PAPPA2: variants seen among roughly 807,000 people sequenced by gnomAD.
PAPPA2 encodes pappalysin 2.
In PAPPA2, 86 loss-of-function variants were observed where a neutral mutation model predicts 176.4. The observed-to-expected ratio is 0.49, with a 90% CI of 0.41 to 0.58. The LOEUF is 0.58. PAPPA2 is among the 20% of genes least tolerant of loss of function. The pLI, the probability that PAPPA2 is intolerant of heterozygous loss-of-function variation, is 0.00. For synonymous variants in PAPPA2, 809 were observed against 852.2 expected (o/e 0.95, Z 0.88); for missense variants, 2,073 against 2,256.9 (o/e 0.92, Z 1.65).
chr1:176,668,792 T>A (rs1157795623), intron 3 of PAPPA2, among the ~76,000 whole-genome samples: 1 of 152,202 alleles, frequency 6.6e-6, no homozygotes, highest in Non-Finnish European at 1.5e-5. Context: ...TCCCTTATAC[T>A]TGACGACATA....
At chr1:176,647,563 T>TTAATC (rs1657474389) in intron 3 of PAPPA2, among the ~76,000 whole-genome samples, 1 of 151,786 alleles carries the variant, frequency 6.6e-6, no homozygotes, top group African/African-American at 2.4e-5. Flanking sequence ...ATTTAAGTCT[T>TTAATC]TAATCCATTT....
chr1:176,831,625 A>C (rs1483565650), intron 21 of PAPPA2, among the ~76,000 whole-genome samples: 2 of 152,162 alleles, frequency 1.3e-5, no homozygotes, highest in East Asian at 3.9e-4. Context: ...ATGGGGAAGC[A>C]GGTCAGTGTG....
Position 176,709,535 on chromosome 1 carries a change from T to C in PAPPA2, c.3458-448T>C, listed in dbSNP as rs115493875. Among the ~76,000 whole-genome samples, 1,320 of 152,318 alleles carry C rather than the reference T, an allele frequency of 8.7e-3. 17 individuals are homozygous for C. The highest frequency in any genetic ancestry group is 0.028 in the African/African-American group (1,165 of 41,578). On this transcript the variant is annotated intron_variant, in intron 10 of 22. Coordinates refer to ENST00000367662, the MANE Select transcript of PAPPA2 (RefSeq NM_020318.3). Reference sequence around the variant, plus strand: ...GTGATTGAGAACAAACCCCCCGTGATACTTTAATATTTCAAAAACTATGAA... The same window carrying C: ...GTGATTGAGAACAAACCCCCCGTGACACTTTAATATTTCAAAAACTATGAA...
In PAPPA2 at chr1:176,590,254, T is replaced by C. The variant is rs144200068; in HGVS notation, c.920-4270T>C. ...TGCAATTGCTTTCCTTTTTAGTCTT[T>C]ACAGTAATGGAATCGACTCAAACTG... On this transcript the variant is annotated intron_variant, in intron 2 of 22. Transcript: ENST00000367662. Among the ~76,000 whole-genome samples, 20 of 152,344 alleles carry C rather than the reference T, an allele frequency of 1.3e-4. No homozygotes were observed. In the East Asian group the frequency reaches 3.3e-3, roughly 25 times the overall value.
chr1:176,711,136 G>A (rs1257299743), intron 11 of PAPPA2, among the ~76,000 whole-genome samples: 1 of 152,098 alleles, frequency 6.6e-6, no homozygotes, highest in Non-Finnish European at 1.5e-5. Context: ...GGACCCTAAG[G>A]AGATGAACAT....
chr1:176,560,581 G>A (rs2102597316), intron 2 of PAPPA2, among the ~76,000 whole-genome samples: 1 of 152,280 alleles, frequency 6.6e-6, no homozygotes, highest in South Asian at 2.1e-4. Context: ...GCAGCTCAGG[G>A]CCATGTGGCC....
intron 17 of PAPPA2, among the ~76,000 whole-genome samples, chr1:176,787,755 T>TG (rs58844541): frequency 0.41 from 62,811 of 151,952 alleles, 14,389 homozygotes; most frequent in African/African-American, 0.6. Context: ...TTCTGTGAGG[T>TG]GGGATTAAAG....
At chr1:176,840,004 G>A (rs1667424333) in intron 21 of PAPPA2, among the ~76,000 whole-genome samples, 169 bp from the exon 22 acceptor site, 1 of 152,140 alleles carries the variant, frequency 6.6e-6, no homozygotes, top group Non-Finnish European at 1.5e-5. Context: ...GTGGTCTTGA[G>A]ATTTTTTCAA....
At chr1:176,781,365 C>CATTTTT (rs1664709536) in intron 17 of PAPPA2, among the ~76,000 whole-genome samples, 1 of 46,228 alleles carries the variant, frequency 2.2e-5, no homozygotes, top group African/African-American at 8.4e-5. Context: ...TTGTAAGGGG[C>CATTTTT]TTTTTTTTTT....
rs747776328 is a variant in PAPPA2, at chr1:176,702,699, A to G, written c.3329A>G (p.His1110Arg). Reference protein sequence around the residue: ...GEASPPLNHIHGAPYCGDGKV... With the variant: ...GEASPPLNHIRGAPYCGDGKV... The stretch of plus-strand genomic sequence containing the variant: ...GCTTCGCCTCCTCTGAACCACATTC[A>G]TGGAGCTCCTTATTGTGGAGATGGG... The change falls in exon 9 of 23, where the codon CAT becomes CGT. Residue 1110 changes from histidine (H) to arginine (R), a missense_variant. This residue lies in a region of PAPPA2 where 846 missense variants were observed against 857.9 expected (regional missense o/e 0.99). Transcript: ENST00000367662. The G allele has an allele frequency of 3.1e-6, 5 of 1,594,476 alleles. No individual in the cohort carries two copies. The highest frequency in any genetic ancestry group is 4.3e-6 in the Non-Finnish European group (5 of 1,168,208).
At chr1:176,622,786 G>T (rs2102693867) in intron 3 of PAPPA2, among the ~76,000 whole-genome samples, 1 of 152,274 alleles carries the variant, frequency 6.6e-6, no homozygotes, top group Non-Finnish European at 1.5e-5. Context: ...GGATAAAATA[G>T]TGTCTTAGTC....
At chr1:176,486,464 T>C (rs1187659384) in intron 1 of PAPPA2, among the ~76,000 whole-genome samples, 3 of 152,122 alleles carry the variant, frequency 2.0e-5, no homozygotes, top group South Asian at 2.1e-4. Context: ...CAGTGCACTG[T>C]AGAATATGTA....
intron 3 of PAPPA2, among the ~76,000 whole-genome samples, chr1:176,659,924 A>G (rs183153343): frequency 9.2e-5 from 14 of 152,170 alleles, no homozygotes; most frequent in Admixed American, 8.5e-4. Flanking sequence ...CATTGGCCCC[A>G]ATTTTTTCCT....
At chr1:176,765,428 T>C (rs531467157) in intron 14 of PAPPA2, among the ~76,000 whole-genome samples, 2 of 152,334 alleles carry the variant, frequency 1.3e-5, no homozygotes, top group Admixed American at 1.3e-4. Context: ...CATTTGATCC[T>C]CCTGGAAGAA....
chr1:176,622,683 G>C (rs1030001413), intron 3 of PAPPA2, among the ~76,000 whole-genome samples: 1 of 152,168 alleles, frequency 6.6e-6, no homozygotes, highest in Non-Finnish European at 1.5e-5. Flanking sequence ...CTGATGTATA[G>C]AGAGTTGGTA....
chr1:176,698,740 A>G (rs1660498912), intron 7 of PAPPA2, among the ~76,000 whole-genome samples: 1 of 152,188 alleles, frequency 6.6e-6, no homozygotes, highest in East Asian at 1.9e-4. Flanking sequence ...TTAATTTATC[A>G]TAAGTTATGA....
chr1:176,739,692 C>T lies in PAPPA2; in HGVS notation c.3865C>T (p.Pro1289Ser). Residue 1289 changes from proline to serine, a missense_variant, in exon 13 of 23, where the codon CCC (proline) becomes TCC (serine). Physicochemically the swap from Pro to Ser is moderately conservative, Grantham distance 74 (BLOSUM62 -1). Coordinates refer to ENST00000367662, the MANE Select transcript of PAPPA2 (RefSeq NM_020318.3). ...TTTTTTGACAACTGATGGCCTAGTT[C>T]CCGGAGAGCATCAGCAGCCGACAGT... is the stretch of plus-strand genomic sequence containing the variant. ...FIFLTTDGLV[P>S]GEHQQPTVTL... The T allele has an allele frequency of 6.2e-7, 1 of 1,613,570 alleles. No individual in the cohort carries two copies. The highest frequency in any genetic ancestry group is 2.2e-5 in the East Asian group (1 of 44,848).
chr1:176,560,818 A>G (rs1651623748), intron 2 of PAPPA2, among the ~76,000 whole-genome samples: 1 of 152,186 alleles, frequency 6.6e-6, no homozygotes, highest in African/African-American at 2.4e-5. Flanking sequence ...CCCATAATTG[A>G]TTTCAAATGT....
intron 2 of PAPPA2, among the ~76,000 whole-genome samples, chr1:176,559,026 A>G (rs993598204): frequency 2.6e-5 from 4 of 152,142 alleles, no homozygotes; most frequent in African/African-American, 9.7e-5. Context: ...AAGCAGTGTC[A>G]TGATTTGATT....
Sources: gnomAD v4.1 joint callset for allele counts (sites outside exome capture counted in the v4.1 genomes callset) on GRCh38, gnomAD v4.1.1 for gene constraint, gnomAD v4.1.1 regional missense constraint, MANE v1.5 for transcripts, NCBI Gene and HGNC (gene_info 2026-07-23, HGNC 2026-07-21) for gene names.